Variants in GLT6D1 observed in about 807,000 individuals in gnomAD.
GLT6D1 encodes the protein putative glycosyltransferase 6 domain-containing protein 1.
GLT6D1 carries 9 observed loss-of-function variants against 12.3 expected under a neutral mutation model. That is an observed-to-expected ratio of 0.73 (90% CI 0.44 to 1.27). The LOEUF (loss-of-function observed/expected upper bound fraction) is 1.27. GLT6D1 is among the 50% of genes most tolerant of loss of function. The probability of loss-of-function intolerance (pLI) is 0.00; values close to 1 mark genes in which losing one functional copy is unlikely to be tolerated. For missense variants in GLT6D1, 335 were observed against 346.2 expected (o/e 0.97, Z 0.26); for synonymous variants, 128 against 132.3 (o/e 0.97, Z 0.23).
At position 135,624,553 on chromosome 9, in the gene GLT6D1, C is replaced by T. The variant is rs200162620; in HGVS notation, c.375G>A (p.Glu125=). The T allele has an allele frequency of 3.7e-6, 6 of 1,613,950 alleles. No individual in the cohort carries two copies. In the Admixed American group the frequency reaches 6.7e-5, roughly 18 times the overall value. ...CTTTGAACGTTCGAAGAGGACTGGGCTCTATGTCAGGCAGCTTGAAGAAGG... is the reference window on the plus strand; with the variant it reads ...CTTTGAACGTTCGAAGAGGACTGGGTTCTATGTCAGGCAGCTTGAAGAAGG... ...VDAFFKLPDI[E]PSPLRTFKAF... is the part of the protein sequence containing the mutation. Residue 125 remains glutamate, a synonymous_variant, in exon 5 of 5, where the codon GAG becomes GAA. Transcript: ENST00000371763.
chr9:135,625,753 T>C (rs1214593441), intron 4 of GLT6D1, among the ~76,000 whole-genome samples: 2 of 152,164 alleles, frequency 1.3e-5, no homozygotes, highest in Non-Finnish European at 2.9e-5. Flanking sequence ...TGACCCCAAG[T>C]ACTCAGCCTA....
chr9:135,626,018 C>T lies in GLT6D1; in HGVS notation c.257+51G>A, dbSNP rs776224277. 2.6e-5 allele frequency: 41 copies of T among 1,598,604 alleles called. No homozygotes were observed. In the Middle Eastern group the frequency reaches 5.1e-4, roughly 20 times the overall value. On this transcript the variant is annotated intron_variant, in intron 4 of 4. Coordinates refer to ENST00000371763, the MANE Select transcript of GLT6D1 (RefSeq NM_182974.3). ...TTTGGAGGTTAAAGGCTCGTGAATGCTGATCCACATTTTCCCAAAATAAAA... is the reference window on the plus strand; with the variant it reads ...TTTGGAGGTTAAAGGCTCGTGAATGTTGATCCACATTTTCCCAAAATAAAA...
chr9:135,637,585 C>T lies in GLT6D1; in HGVS notation c.71+1532G>A, dbSNP rs532972378. ...AGATTTTAGATTTTTGGGTGTTAGC[C>T]GTTCTAATGGGTGTGTAGTGGTATC... On this transcript the variant is annotated intron_variant, in intron 2 of 4. Transcript: ENST00000371763. 1.5e-3 allele frequency among the ~76,000 whole-genome samples: 226 copies of T among 152,096 alleles called. 5 individuals carry two copies. In the South Asian group the frequency reaches 0.03, roughly 20 times the overall value.
At position 135,638,127 on chromosome 9, in the gene GLT6D1, T is replaced by C. The variant is rs556839629; in HGVS notation, c.71+990A>G. 5.3e-4 allele frequency among the ~76,000 whole-genome samples: 81 copies of C among 152,308 alleles called. No individual in the cohort carries two copies. The South Asian group carries it at 0.012, about 22-fold the overall frequency. ...GAATCATGGCAGGAGGCAAAAGGCA[T>C]GTCTTCCATGGCAGCGGCAAGAGAA... On this transcript the variant is annotated intron_variant, in intron 2 of 4. Transcript: ENST00000371763.
chr9:135,630,964 A>G (rs11790300), intron 3 of GLT6D1, among the ~76,000 whole-genome samples: 5,596 of 140,094 alleles, frequency 0.04, 184 homozygotes, highest in East Asian at 0.19. Context: ...CTCACACCGG[A>G]AGTCATATAT....
intron 3 of GLT6D1, among the ~76,000 whole-genome samples, chr9:135,629,991 GTC>G (rs1421199800): frequency 6.6e-6 from 1 of 152,244 alleles, no homozygotes; most frequent in Admixed American, 6.5e-5. Context: ...AATCTAAAAT[GTC>G]TCTTGTAGAC....
chr9:135,628,638 A>G (rs1833570828), intron 3 of GLT6D1, among the ~76,000 whole-genome samples: 1 of 152,066 alleles, frequency 6.6e-6, no homozygotes, highest in African/African-American at 2.4e-5. Context: ...TACTTTGAAG[A>G]GTTTGTGAAA....
intron 4 of GLT6D1, among the ~76,000 whole-genome samples, chr9:135,625,431 A>G (rs1467278507): frequency 6.6e-6 from 1 of 152,102 alleles, no homozygotes; most frequent in African/African-American, 2.4e-5. Context: ...CAAACTACAA[A>G]AGAAACAGGA....
intron 2 of GLT6D1, among the ~76,000 whole-genome samples, chr9:135,631,725 G>A (rs943170579): frequency 6.6e-6 from 1 of 152,028 alleles, no homozygotes; most frequent in Non-Finnish European, 1.5e-5. Flanking sequence ...AGTGTTGGGA[G>A]GAAGATTTTT....
chr9:135,639,351 GCCTCTGTTCTCCTT>G lies in GLT6D1; in HGVS notation c.-79_-66del. The G allele has an allele frequency of 1.9e-6, 1 of 528,016 alleles. No homozygotes were observed. Among genetic ancestry groups the G allele is most frequent in the Non-Finnish European group, 3.4e-6 (1 of 296,588 alleles). 32.7% of individuals were successfully genotyped at this position (528,016 alleles called of 1,614,324 possible). ...GGAGACAGCGACTTGAGTTAGGGAA[GCCTCTGTTCTCCTT>G]CAAGTGCCCGGGGCTGACTGTTCCC... On this transcript the variant is annotated 5_prime_UTR_variant, in exon 1 of 5. Transcript: ENST00000371763.
At chr9:135,629,229 A>G (rs761478453) in intron 3 of GLT6D1, among the ~76,000 whole-genome samples, 1 of 152,072 alleles carries the variant, frequency 6.6e-6, no homozygotes, top group Non-Finnish European at 1.5e-5. Context: ...TTGACTTGAG[A>G]TCTTTCATTT....
chr9:135,634,464 T>TTTTTC (rs56400122), intron 2 of GLT6D1, among the ~76,000 whole-genome samples: 1 of 132,116 alleles, frequency 7.6e-6, no homozygotes, highest in Non-Finnish European at 1.6e-5. Context: ...TTTTTTTTTT[T>TTTTTC]GGCATGATTT....
At chr9:135,624,747 T>C (rs1833462334) in intron 4 of GLT6D1, 77 bp from the exon 5 acceptor site, 1 of 608,542 alleles carries the variant, frequency 1.6e-6, no homozygotes, top group African/African-American at 2.4e-5. Context: ...TTTTTTTTTT[T>C]GAGATGGAGT....
intron 2 of GLT6D1, among the ~76,000 whole-genome samples, chr9:135,636,199 A>G (rs1833769294): frequency 6.6e-6 from 1 of 152,120 alleles, no homozygotes; most frequent in African/African-American, 2.4e-5. Context: ...TACTAAAAAT[A>G]AAAAATTAGC....
intron 2 of GLT6D1, among the ~76,000 whole-genome samples, chr9:135,634,826 C>G (rs533740993): frequency 3.3e-5 from 5 of 152,276 alleles, no homozygotes; most frequent in South Asian, 2.1e-4. Flanking sequence ...ATCCTCTTGA[C>G]TGCAGCCGCC....
chr9:135,623,971 A>G lies in GLT6D1; in HGVS notation c.*126T>C. 2 of 646,886 alleles carry G rather than the reference A, an allele frequency of 3.1e-6. No individual in the cohort carries two copies. Among genetic ancestry groups the G allele is most frequent in the South Asian group, 4.1e-5 (2 of 48,618 alleles). 40.1% of individuals were successfully genotyped at this position (646,886 alleles called of 1,614,324 possible). A position where few individuals can be genotyped will look rare whatever the true frequency, so the allele number is the denominator to read the frequency against. On this transcript the variant is annotated 3_prime_UTR_variant, in exon 5 of 5. Coordinates refer to ENST00000371763, the MANE Select transcript of GLT6D1 (RefSeq NM_182974.3). ...CATTTATAAGAAATTGCCGTGATTC[A>G]TTTATTCGTCATAAACCTCATGGCG...
At chr9:135,632,058 A>G (rs1833661146) in intron 2 of GLT6D1, among the ~76,000 whole-genome samples, 1 of 151,920 alleles carries the variant, frequency 6.6e-6, no homozygotes, top group Admixed American at 6.6e-5. Flanking sequence ...GCGTTCTTCT[A>G]GAGTGTAATT....
rs767014402 is a variant in GLT6D1, at chr9:135,624,160, AT to A, written c.767del (p.Asn256MetfsTer63). The A allele has an allele frequency of 1.9e-6, 3 of 1,613,614 alleles. No homozygotes were observed. The African/African-American group carries it at 4.0e-5, about 22-fold the overall frequency. ...GCTTTTCATAAGTGCTATTGAGTCC[AT>A]TTTTGATGTCATGAATAACTCCGTT... ...YLNGVIHDIK[N>X]GLNSTYEKHL... On this transcript the variant is annotated frameshift_variant, in exon 5 of 5. Coordinates refer to ENST00000371763, the MANE Select transcript of GLT6D1 (RefSeq NM_182974.3). LOFTEE classifies it low-confidence loss of function (END_TRUNC).
chr9:135,634,069 T>C (rs1388653157), intron 2 of GLT6D1, among the ~76,000 whole-genome samples: 1 of 152,138 alleles, frequency 6.6e-6, no homozygotes, highest in African/African-American at 2.4e-5. Context: ...TTCATTAAGG[T>C]ACAATCCTCC....
Sources: allele counts gnomAD v4.1 joint callset (sites outside exome capture counted in the v4.1 genomes callset), GRCh38; gene constraint gnomAD v4.1.1; transcripts MANE v1.5; gene names NCBI Gene and HGNC (gene_info 2026-07-23, HGNC 2026-07-21).